SUSD5: variants seen among roughly 807,000 people sequenced by gnomAD.
The protein encoded by SUSD5 is sushi domain-containing protein 5.
In SUSD5, 33 loss-of-function variants were observed where a neutral mutation model predicts 29.5. The ratio of observed to expected loss-of-function variants is 1.12; its 90% CI spans 0.85 to 1.49. The LOEUF (loss-of-function observed/expected upper bound fraction) is 1.49, where lower values mean the gene tolerates loss of function less well. SUSD5 is among the 40% of genes most tolerant of loss of function. The pLI, the probability that SUSD5 is intolerant of heterozygous loss-of-function variation, is 0.00. For missense variants in SUSD5, 776 were observed against 800.6 expected, an observed-to-expected ratio of 0.97 and a Z score of 0.37; for synonymous variants, 308 against 325.3, an observed-to-expected ratio of 0.95 and a Z score of 0.57.
intron 3 of SUSD5, 110 bp from the exon 4 acceptor site, chr3:33,175,184 A>C (rs1030582421): frequency 1.1e-5 from 13 of 1,174,450 alleles, no homozygotes; most frequent in Non-Finnish European, 1.6e-5. Flanking sequence ...CGTACCCTCA[A>C]CTGTGATCAC....
At chr3:33,210,439 G>A (rs766271711) in intron 2 of SUSD5, among the ~76,000 whole-genome samples, 21 of 152,196 alleles carry the variant, frequency 1.4e-4, no homozygotes, top group Admixed American at 3.9e-4. Context: ...TATTAAAACT[G>A]CTATTCAGCT....
In SUSD5 at chr3:33,174,931, T is replaced by TA; in HGVS notation, c.552dup (p.Asn185Ter). On this transcript the variant is annotated frameshift_variant, in exon 4 of 5. Coordinates refer to ENST00000309558, the MANE Select transcript of SUSD5 (RefSeq NM_015551.2). LOFTEE classifies it low-confidence loss of function (END_TRUNC). ...AGGCCGTACCACTCCCCACAGCTGT[T>TA]ACATAGCAAGGTGAAGGCGGTCTCC... 6.2e-7 allele frequency: 1 copy of TA among 1,613,904 alleles called. No homozygotes were observed. Among genetic ancestry groups the TA allele is most frequent in the East Asian group, 2.2e-5 (1 of 44,858 alleles).
chr3:33,156,175 G>C (rs1327180956), intron 4 of SUSD5, among the ~76,000 whole-genome samples: 6 of 151,838 alleles, frequency 4.0e-5, no homozygotes, highest in African/African-American at 1.2e-4. Context: ...TGAGTAGCTA[G>C]GATTACAGGT....
At position 33,152,653 on chromosome 3, in the gene SUSD5, A is replaced by T; in HGVS notation, c.*89T>A. On this transcript the variant is annotated 3_prime_UTR_variant, in exon 5 of 5. Coordinates refer to ENST00000309558, the MANE Select transcript of SUSD5 (RefSeq NM_015551.2). ...AGGAAAAAATGATGAGCCTCAGTCC[A>T]CCTGCGTCATGCTCTAGTGAATTAT... 1 of 1,366,164 alleles carries T rather than the reference A, an allele frequency of 7.3e-7. No individual in the cohort carries two copies. The highest frequency in any genetic ancestry group is 2.6e-5 in the Admixed American group (1 of 38,580). 84.6% of individuals were successfully genotyped at this position (1,366,164 alleles called of 1,614,324 possible).
intron 3 of SUSD5, among the ~76,000 whole-genome samples, chr3:33,175,763 C>T (rs1003750242): frequency 2.0e-5 from 3 of 152,216 alleles, no homozygotes; most frequent in South Asian, 4.1e-4. Flanking sequence ...GACCCTTCCA[C>T]GCACACAGCT....
chr3:33,185,188 G>C (rs1428121401), intron 3 of SUSD5, among the ~76,000 whole-genome samples: 3 of 152,172 alleles, frequency 2.0e-5, no homozygotes, highest in Non-Finnish European at 4.4e-5. Flanking sequence ...CAGGGAGCTG[G>C]AGTTGGGAAT....
At chr3:33,174,365 A>G (rs2031499660) in intron 4 of SUSD5, among the ~76,000 whole-genome samples, 1 of 152,130 alleles carries the variant, frequency 6.6e-6, no homozygotes, top group Admixed American at 6.5e-5. Flanking sequence ...ATGCCCCATA[A>G]GAGTCTGAAT....
chr3:33,172,217 AC>A (rs2031442110), intron 4 of SUSD5, among the ~76,000 whole-genome samples: 1 of 124,376 alleles, frequency 8.0e-6, no homozygotes, highest in Non-Finnish European at 1.7e-5. Flanking sequence ...ACACACACAC[AC>A]ACACTCTTCT....
chr3:33,186,037 T>C (rs1453401872), intron 3 of SUSD5, among the ~76,000 whole-genome samples: 4 of 152,134 alleles, frequency 2.6e-5, no homozygotes, highest in Admixed American at 2.6e-4. Context: ...CTAAGAAGCA[T>C]ATTGCTTAAA....
At chr3:33,187,345 C>A (rs964672292) in intron 3 of SUSD5, among the ~76,000 whole-genome samples, 1 of 152,118 alleles carries the variant, frequency 6.6e-6, no homozygotes, top group Non-Finnish European at 1.5e-5. Flanking sequence ...TCAGGAAAAC[C>A]GCAATAATGC....
intron 4 of SUSD5, among the ~76,000 whole-genome samples, chr3:33,155,739 A>G (rs2031035878): frequency 6.6e-6 from 1 of 152,180 alleles, no homozygotes. Context: ...AACAAAATAG[A>G]TGAATTGCAT....
intron 2 of SUSD5, among the ~76,000 whole-genome samples, chr3:33,211,628 G>A (rs1272954996): frequency 6.6e-6 from 1 of 152,120 alleles, no homozygotes; most frequent in Admixed American, 6.5e-5. Context: ...ATGGCCACTC[G>A]CCAGCCAGAC....
intron 3 of SUSD5, among the ~76,000 whole-genome samples, chr3:33,205,655 G>C (rs757111642): frequency 6.6e-6 from 1 of 152,184 alleles, no homozygotes; most frequent in Non-Finnish European, 1.5e-5. Context: ...TAACTTGCTC[G>C]ATGGTCTGTG....
intron 3 of SUSD5, 95 bp downstream of exon 3, chr3:33,207,713 C>T: frequency 2.8e-6 from 2 of 722,762 alleles, no homozygotes; most frequent in Non-Finnish European, 4.5e-6. Context: ...TCTAGTAAAT[C>T]CTCACTTCAA....
At chr3:33,201,368 G>A (rs1383392928) in intron 3 of SUSD5, among the ~76,000 whole-genome samples, 1 of 152,260 alleles carries the variant, frequency 6.6e-6, no homozygotes, top group East Asian at 1.9e-4. Context: ...GGTCCAGAGT[G>A]CAGCCGCAGC....
chr3:33,181,882 C>T (rs914028080), intron 3 of SUSD5, among the ~76,000 whole-genome samples: 12 of 152,260 alleles, frequency 7.9e-5, no homozygotes, highest in African/African-American at 1.2e-4. Flanking sequence ...GTACACTCTA[C>T]GATGTTCACA....
At chr3:33,178,875 T>C (rs2031609119) in intron 3 of SUSD5, among the ~76,000 whole-genome samples, 1 of 152,262 alleles carries the variant, frequency 6.6e-6, no homozygotes, top group Admixed American at 6.5e-5. Context: ...TTTCTGCCAC[T>C]AGTGAACCCT....
At chr3:33,195,122 G>T (rs1176987082) in intron 3 of SUSD5, among the ~76,000 whole-genome samples, 1 of 152,170 alleles carries the variant, frequency 6.6e-6, no homozygotes, top group Non-Finnish European at 1.5e-5. Context: ...TTGAACCCAG[G>T]AGGCAGAGGT....
At chr3:33,198,505 T>C (rs943903427) in intron 3 of SUSD5, among the ~76,000 whole-genome samples, 6 of 152,222 alleles carry the variant, frequency 3.9e-5, no homozygotes, top group Non-Finnish European at 7.4e-5. Flanking sequence ...CCTGATCTAC[T>C]GGACTGCACC....
Sources: allele counts gnomAD v4.1 joint callset (sites outside exome capture counted in the v4.1 genomes callset), GRCh38; gene constraint gnomAD v4.1.1; transcripts MANE v1.5; gene names NCBI Gene and HGNC (gene_info 2026-07-23, HGNC 2026-07-21).